The following SAR1A variants were observed in gnomAD, a reference collection of about 807,000 sequenced individuals.
SAR1A encodes the protein secretion associated Ras related GTPase 1A.
In SAR1A, 6 loss-of-function variants were observed where a neutral mutation model predicts 22.6. The observed-to-expected ratio is 0.27, with a 90% CI of 0.15 to 0.52. The LOEUF is 0.52. Ranked by LOEUF, SAR1A falls within the 20% of genes least tolerant of loss-of-function variation. The probability of loss-of-function intolerance (pLI) is 0.96; values close to 1 mark genes in which losing one functional copy is unlikely to be tolerated. For missense variants in SAR1A, 145 were observed against 245.1 expected, an observed-to-expected ratio of 0.59 and a Z score of 2.73; for synonymous variants, 70 against 82.2, an observed-to-expected ratio of 0.85 and a Z score of 0.80.
At chr10:70,152,783 A>C (rs1373376242) in intron 6 of SAR1A, among the ~76,000 whole-genome samples, 191 bp from the exon 7 acceptor site, 1 of 152,220 alleles carries the variant, frequency 6.6e-6, no homozygotes, top group Non-Finnish European at 1.5e-5. Context: ...TAAGCAGCAC[A>C]GTTCTATTCC....
At chr10:70,154,381 G>C (rs958390076) in intron 5 of SAR1A, among the ~76,000 whole-genome samples, 4 of 152,146 alleles carry the variant, frequency 2.6e-5, no homozygotes, top group African/African-American at 4.8e-5. Context: ...CATTGTGTGC[G>C]AAGAACTCTC....
chr10:70,148,960 T>C lies in SAR1A; in HGVS notation c.*3516A>G, dbSNP rs1839295991. On this transcript the variant is annotated 3_prime_UTR_variant, in exon 7 of 7. Coordinates refer to ENST00000373241, the MANE Select transcript of SAR1A (RefSeq NM_020150.5). The stretch of plus-strand genomic sequence containing the variant: ...AGCCAGAACGCCAAAGTAAGATCTG[T>C]TGAGTGCTAGGCTCATGGACTGAGC... 1 of 152,338 alleles carries C rather than the reference T, an allele frequency of 6.6e-6. No homozygotes were observed. The highest frequency in any genetic ancestry group is 1.5e-5 in the Non-Finnish European group (1 of 68,140). The allele number at this position is 152,338 out of a possible 1,614,324, so 9.4% of individuals were successfully genotyped here.
Position 70,152,365 on chromosome 10 carries a change from C to T in SAR1A, c.*111G>A, listed in dbSNP as rs1282352219. 13 of 980,754 alleles carry T rather than the reference C, an allele frequency of 1.3e-5. No individual in the cohort carries two copies. Among genetic ancestry groups the T allele is most frequent in the South Asian group, 4.0e-5 (3 of 74,412 alleles). 60.8% of individuals were successfully genotyped at this position (980,754 alleles called of 1,614,324 possible). A position where few individuals can be genotyped will look rare whatever the true frequency, so the allele number is the denominator to read the frequency against. ...TTGACAGAGACTCTTGGCTTCTCAA[C>T]GCCAGACATGGTTGGAGAGCTTTCC... On this transcript the variant is annotated 3_prime_UTR_variant, in exon 7 of 7. Transcript: ENST00000373241.
rs532192680 is a variant in SAR1A, at chr10:70,161,219, T to C, written c.179-150A>G. The C allele has an allele frequency of 3.0e-3, 1,847 of 625,098 alleles. 7 individuals are homozygous for C. The highest frequency in any genetic ancestry group is 4.0e-3 in the Non-Finnish European group (1,459 of 369,182). The allele number at this position is 625,098 out of a possible 1,614,324, so 38.7% of individuals were successfully genotyped here. A position where few individuals can be genotyped will look rare whatever the true frequency, so the allele number is the denominator to read the frequency against. On this transcript the variant is annotated intron_variant, in intron 3 of 6. Coordinates refer to ENST00000373241, the MANE Select transcript of SAR1A (RefSeq NM_020150.5). ...GGTACCCGCCTGTAGTTCCAGCTAC[T>C]CAGGAGGCTGAGGGCAGGAGGATAA...
chr10:70,147,428 G>A lies in SAR1A; in HGVS notation c.*5048C>T, dbSNP rs555955954. On this transcript the variant is annotated 3_prime_UTR_variant, in exon 7 of 7. Transcript: ENST00000373241. ...GCCAGAATGGAAACAGTTCCAGTTT[G>A]GGGGGACCATACAACTTGTCTCAAA... 5 of 152,276 alleles carry A rather than the reference G, an allele frequency of 3.3e-5. No homozygotes were observed. The highest frequency in any genetic ancestry group is 1.3e-4 in the Admixed American group (2 of 15,304). 9.4% of individuals were successfully genotyped at this position (152,276 alleles called of 1,614,324 possible).
chr10:70,167,109 C>T (rs1839564467), intron 1 of SAR1A, among the ~76,000 whole-genome samples: 1 of 152,090 alleles, frequency 6.6e-6, no homozygotes, highest in South Asian at 2.1e-4. Flanking sequence ...TCTATTGTTT[C>T]TCATAGCTAT....
At chr10:70,159,704 A>G (rs373594299) in intron 4 of SAR1A, among the ~76,000 whole-genome samples, 3 of 152,248 alleles carry the variant, frequency 2.0e-5, no homozygotes, top group East Asian at 1.9e-4. Context: ...ACTCAGTGTA[A>G]TAACAAGTAA....
intron 1 of SAR1A, among the ~76,000 whole-genome samples, chr10:70,167,933 T>A (rs769837023): frequency 2.6e-5 from 4 of 152,246 alleles, no homozygotes; most frequent in Admixed American, 6.5e-5. Flanking sequence ...ACAACTTAAA[T>A]ATACTTAATA....
intron 1 of SAR1A, among the ~76,000 whole-genome samples, chr10:70,167,871 A>G (rs372505046): frequency 2.0e-5 from 3 of 152,248 alleles, no homozygotes; most frequent in East Asian, 1.9e-4. Flanking sequence ...TGCATTTATC[A>G]CATTAACTAA....
At chr10:70,169,508 G>T (rs567791337) in intron 1 of SAR1A, among the ~76,000 whole-genome samples, 13 of 152,272 alleles carry the variant, frequency 8.5e-5, no homozygotes, top group African/African-American at 3.1e-4. Context: ...GAAAACTTGC[G>T]AATTCCAGGG....
At chr10:70,165,491 T>C (rs867004689) in intron 1 of SAR1A, among the ~76,000 whole-genome samples, 3 of 152,048 alleles carry the variant, frequency 2.0e-5, no homozygotes, top group Non-Finnish European at 4.4e-5. Context: ...TTTGAGGGGT[T>C]CGAGACTTTG....
intron 1 of SAR1A, among the ~76,000 whole-genome samples, chr10:70,168,770 AC>A (rs1839585865): frequency 6.6e-6 from 1 of 151,828 alleles, no homozygotes; most frequent in Admixed American, 6.6e-5. Flanking sequence ...AATAATAAAA[AC>A]CCTTACTAGA....
At chr10:70,159,423 G>A (rs1424520858) in intron 4 of SAR1A, among the ~76,000 whole-genome samples, 1 of 152,192 alleles carries the variant, frequency 6.6e-6, no homozygotes, top group Non-Finnish European at 1.5e-5. Flanking sequence ...GCTGGGCACA[G>A]TGGCTCACGC....
At chr10:70,157,999 C>A in intron 4 of SAR1A, 132 bp from the exon 5 acceptor site, 1 of 620,588 alleles carries the variant, frequency 1.6e-6, no homozygotes, top group South Asian at 2.1e-5. Flanking sequence ...TCTCCAAGTT[C>A]TGGCCAGTAT....
In SAR1A at chr10:70,152,039, GT is replaced by G; in HGVS notation, c.*436del. 4.7e-6 allele frequency: 1 copy of G among 214,750 alleles called. No individual in the cohort carries two copies. The highest frequency in any genetic ancestry group is 5.2e-5 in the Admixed American group (1 of 19,270). 13.3% of individuals were successfully genotyped at this position (214,750 alleles called of 1,614,324 possible). A position where few individuals can be genotyped will look rare whatever the true frequency, so the allele number is the denominator to read the frequency against. ...TGAAGTATCTAAATGTCATTCATTA[GT>G]TTAAAAAAAAAAAAGAATAGAAAAC... On this transcript the variant is annotated 3_prime_UTR_variant, in exon 7 of 7. Coordinates refer to ENST00000373241, the MANE Select transcript of SAR1A (RefSeq NM_020150.5).
intron 5 of SAR1A, chr10:70,155,133 C>T: frequency 1.9e-6 from 1 of 523,894 alleles, no homozygotes. Context: ...TCCTAAAAGA[C>T]CACAAATCCA....
intron 1 of SAR1A, among the ~76,000 whole-genome samples, chr10:70,168,130 G>A (rs1839577038): frequency 2.0e-5 from 3 of 152,204 alleles, no homozygotes; most frequent in Admixed American, 6.5e-5. Context: ...TTGGAGGGAA[G>A]AATTAAAGCA....
At chr10:70,162,709 T>A (rs1456941858) in intron 1 of SAR1A, 1 of 152,168 alleles carries the variant, frequency 6.6e-6, no homozygotes, top group Non-Finnish European at 1.5e-5. Context: ...TGATACTTTG[T>A]GGATCCTGAG....
intron 6 of SAR1A, among the ~76,000 whole-genome samples, 183 bp from the exon 7 acceptor site, chr10:70,152,775 A>C (rs1043371684): frequency 6.6e-6 from 1 of 152,250 alleles, no homozygotes; most frequent in Non-Finnish European, 1.5e-5. Flanking sequence ...GGATAGAATA[A>C]GCAGCACAGT....
Sources: allele counts gnomAD v4.1 joint callset (sites outside exome capture counted in the v4.1 genomes callset), GRCh38; gene constraint gnomAD v4.1.1; transcripts MANE v1.5; gene names NCBI Gene and HGNC (gene_info 2026-07-23, HGNC 2026-07-21).